The following MDGA1 variants were observed in gnomAD, a reference collection of about 807,000 sequenced individuals.
The protein encoded by MDGA1 is MAM domain-containing glycosylphosphatidylinositol anchor protein 1.
MDGA1 carries 54 observed loss-of-function variants against 101.5 expected under a neutral mutation model. That is an observed-to-expected ratio of 0.53 (90% CI 0.43 to 0.67). The LOEUF (loss-of-function observed/expected upper bound fraction) is 0.67, where lower values mean the gene tolerates loss of function less well. Ranked by LOEUF, MDGA1 falls within the 30% of genes least tolerant of loss-of-function variation. The pLI is 0.00. For missense variants in MDGA1, 1,083 were observed against 1,323.8 expected, an observed-to-expected ratio of 0.82 and a Z score of 2.82; for synonymous variants, 533 against 558.3, an observed-to-expected ratio of 0.95 and a Z score of 0.64.
intron 3 of MDGA1, 59 bp downstream of exon 3, chr6:37,658,186 G>T: frequency 6.8e-7 from 1 of 1,467,378 alleles, no homozygotes; most frequent in Non-Finnish European, 9.0e-7. Context: ...CATCCCTGGG[G>T]CGCCCTCTGG....
chr6:37,651,445 T>A (rs996495324), intron 7 of MDGA1, among the ~76,000 whole-genome samples: 3 of 152,254 alleles, frequency 2.0e-5, no homozygotes, highest in Non-Finnish European at 4.4e-5. Context: ...CTTGTTAGTA[T>A]AATATATACT....
Position 37,655,742 on chromosome 6 carries a change from G to A in MDGA1, c.537C>T (p.Ser179=). The change falls in exon 4 of 17, where the codon AGC becomes AGT. Residue 179 remains serine, a synonymous_variant. Coordinates refer to ENST00000434837, the MANE Select transcript of MDGA1 (RefSeq NM_153487.4). The surrounding 1 kb of genome is among the most constrained non-coding windows in gnomAD (Gnocchi z 5.1). ...WKRGSDTLSH[S]QDNGVDIYEP... ...CATAGATGTCAACCCCATTGTCCTG[G>A]CTGTGGGATAGGGTATCGGAACCCC... 1 of 1,613,226 alleles carries A rather than the reference G, an allele frequency of 6.2e-7. No individual in the cohort carries two copies. Among genetic ancestry groups the A allele is most frequent in the Non-Finnish European group, 8.5e-7 (1 of 1,179,552 alleles).
Position 37,678,242 on chromosome 6 carries a change from G to A in MDGA1, c.68-14136C>T, listed in dbSNP as rs116227678. On this transcript the variant is annotated intron_variant, in intron 1 of 16. Transcript: ENST00000434837. ...AACCAAGTATCAGCCAGAAATCTGGGAGTCATCCATGACTTTTCTCCTCCT... is the reference window on the plus strand; with the variant it reads ...AACCAAGTATCAGCCAGAAATCTGGAAGTCATCCATGACTTTTCTCCTCCT... 7.1e-3 allele frequency among the ~76,000 whole-genome samples: 1,076 copies of A among 152,160 alleles called. 4 individuals carry two copies. Among genetic ancestry groups the A allele is most frequent in the Non-Finnish European group, 0.012 (835 of 68,010 alleles).
At chr6:37,642,569 G>A (rs916038442) in intron 14 of MDGA1, among the ~76,000 whole-genome samples, 3 of 152,150 alleles carry the variant, frequency 2.0e-5, no homozygotes, top group Non-Finnish European at 4.4e-5. Flanking sequence ...ATGGGAGGGC[G>A]TCTGCATTAT....
intron 1 of MDGA1, among the ~76,000 whole-genome samples, chr6:37,688,372 A>C (rs1234214148): frequency 1.3e-5 from 2 of 152,178 alleles, no homozygotes; most frequent in African/African-American, 4.8e-5. Context: ...TTTTCTACAC[A>C]GCTTCCAATC....
intron 2 of MDGA1, among the ~76,000 whole-genome samples, chr6:37,660,945 A>T (rs1044714004): frequency 6.6e-6 from 1 of 152,096 alleles, no homozygotes. Flanking sequence ...AAACATTTTT[A>T]TGTTGGTTTC....
chr6:37,681,190 CCT>C (rs1410941128), intron 1 of MDGA1, among the ~76,000 whole-genome samples: 2 of 152,212 alleles, frequency 1.3e-5, no homozygotes, highest in Non-Finnish European at 2.9e-5. Flanking sequence ...CGGATTCCTC[CCT>C]GTCTCAGGTC....
At chr6:37,683,252 G>A (rs901121228) in intron 1 of MDGA1, among the ~76,000 whole-genome samples, 3 of 152,170 alleles carry the variant, frequency 2.0e-5, no homozygotes, top group African/African-American at 7.2e-5. Context: ...CTTGGATTCT[G>A]GCCACAAAAT....
In MDGA1 at chr6:37,655,677, G is replaced by T; in HGVS notation, c.579+23C>A. 6.3e-7 allele frequency: 1 copy of T among 1,576,626 alleles called. No individual in the cohort carries two copies. The highest frequency in any genetic ancestry group is 8.6e-7 in the Non-Finnish European group (1 of 1,159,674). ...TTGGATGCAGGAGAAGTGGTATGGG[G>T]CGAGCCAGCTGCCCATCCTGACCTG... On this transcript the variant is annotated intron_variant, in intron 4 of 16. Transcript: ENST00000434837. This position sits in a 1 kb window ranked among gnomAD's most constrained non-coding sequence, Gnocchi z 5.1.
Position 37,652,490 on chromosome 6 carries a change from C to T in MDGA1, c.983-150G>A, listed in dbSNP as rs769885429. 7 of 615,436 alleles carry T rather than the reference C, an allele frequency of 1.1e-5. No individual in the cohort carries two copies. Among genetic ancestry groups the T allele is most frequent in the Non-Finnish European group, 2.0e-5 (7 of 353,506 alleles). The allele number at this position is 615,436 out of a possible 1,614,324, so 38.1% of individuals were successfully genotyped here. ...TCCCCCAGGTGAAACTATCACTTTT[C>T]TCTGCCTGGGAATTGTTTCATTTGT... On this transcript the variant is annotated intron_variant, in intron 6 of 16. Coordinates refer to ENST00000434837, the MANE Select transcript of MDGA1 (RefSeq NM_153487.4). The surrounding 1 kb of genome is among the most constrained non-coding windows in gnomAD (Gnocchi z 4.3).
At position 37,649,034 on chromosome 6, in the gene MDGA1, C is replaced by T; in HGVS notation, c.1842G>A (p.Glu614=). The part of the protein sequence containing the change: ...AVTRDSSGSY[E]CSVSNDVGSA... Reference sequence around the variant, plus strand: ...AGCCCACATCGTTGGAGACGCTGCACTCGTAGCTGCCGCTGCTGTCGCGAG... The same window carrying T: ...AGCCCACATCGTTGGAGACGCTGCATTCGTAGCTGCCGCTGCTGTCGCGAG... Residue 614 remains glutamate, a synonymous_variant, in exon 9 of 17, where the codon GAG becomes GAA. Coordinates refer to ENST00000434837, the MANE Select transcript of MDGA1 (RefSeq NM_153487.4). The T allele has an allele frequency of 6.5e-7, 1 of 1,547,634 alleles. No individual in the cohort carries two copies. Among genetic ancestry groups the T allele is most frequent in the Non-Finnish European group, 8.7e-7 (1 of 1,146,802 alleles).
intron 1 of MDGA1, among the ~76,000 whole-genome samples, chr6:37,667,899 G>C (rs558442747): frequency 6.6e-6 from 1 of 152,194 alleles, no homozygotes; most frequent in Non-Finnish European, 1.5e-5. Flanking sequence ...CACCTGACAG[G>C]TGTATTTCCC....
chr6:37,667,474 T>C (rs781181452), intron 1 of MDGA1, among the ~76,000 whole-genome samples: 3 of 152,230 alleles, frequency 2.0e-5, no homozygotes, highest in African/African-American at 4.8e-5. Context: ...AGTCCCTATA[T>C]AAGATGCACT....
chr6:37,683,916 G>C (rs1444796921), intron 1 of MDGA1, among the ~76,000 whole-genome samples: 1 of 152,216 alleles, frequency 6.6e-6, no homozygotes, highest in Non-Finnish European at 1.5e-5. Context: ...TGTTTTGACT[G>C]TCCATGGTGT....
intron 1 of MDGA1, among the ~76,000 whole-genome samples, chr6:37,681,331 T>C (rs958748462): frequency 1.3e-5 from 2 of 151,956 alleles, no homozygotes; most frequent in African/African-American, 2.4e-5. Context: ...CTGCCCCCCC[T>C]CTTCAGGTCT....
rs112669650 is a variant in MDGA1, at chr6:37,638,657, G to A, written c.2547C>T (p.Asn849=). 397 of 1,613,372 alleles carry A rather than the reference G, an allele frequency of 2.5e-4. 1 individual carries two copies. The African/African-American group carries it at 4.2e-3, about 17-fold the overall frequency. ...HMYGKHIGSL[N]LLVRSRNKGA... is the part of the protein sequence containing the mutation. ...CTTTGTTCCGGGACCGCACCAGGAG[G>A]TTGAGGGAGCCTGCGGTGGGTGTGA... Residue 849 remains asparagine, a synonymous_variant, in exon 15 of 17, where the codon AAC becomes AAT. Transcript: ENST00000434837. The surrounding 1 kb of genome is among the most constrained non-coding windows in gnomAD (Gnocchi z 4.8).
At position 37,697,704 on chromosome 6, in the gene MDGA1, G is replaced by A. The variant is rs1762450750; in HGVS notation, c.-893C>T. On this transcript the variant is annotated 5_prime_UTR_variant, in exon 1 of 17. Coordinates refer to ENST00000434837, the MANE Select transcript of MDGA1 (RefSeq NM_153487.4). ...CGCGGCCGTAGCCCTCCCGGGCTCC[G>A]AGCTCTCGGGAGAGCGGGGCTACGC... The A allele has an allele frequency of 6.6e-6, 1 of 150,404 alleles. No individual in the cohort carries two copies. Among genetic ancestry groups the A allele is most frequent in the African/African-American group, 2.4e-5 (1 of 41,062 alleles). The allele number at this position is 150,404 out of a possible 1,614,324, so 9.3% of individuals were successfully genotyped here.
intron 1 of MDGA1, among the ~76,000 whole-genome samples, chr6:37,669,536 C>T (rs942444302): frequency 7.2e-5 from 11 of 152,122 alleles, no homozygotes; most frequent in African/African-American, 2.2e-4. Context: ...TTGCTCATCA[C>T]CCCCCACTGA....
At chr6:37,662,643 A>AAAAAAAAAAAAAAAAAG (rs572346506) in intron 2 of MDGA1, among the ~76,000 whole-genome samples, 1 of 145,220 alleles carries the variant, frequency 6.9e-6, no homozygotes, top group Non-Finnish European at 1.5e-5. Flanking sequence ...TCAAAAAAAA[A>AAAAAAAAAAAAAAAAAG]AAAACAAGGA....
Sources: allele counts gnomAD v4.1 joint callset (sites outside exome capture counted in the v4.1 genomes callset), GRCh38; gene constraint gnomAD v4.1.1; non-coding constraint Gnocchi (gnomAD v3.1); transcripts MANE v1.5; gene names NCBI Gene and HGNC (gene_info 2026-07-23, HGNC 2026-07-21).